Variants in DMD observed in about 807,000 individuals in gnomAD.
DMD encodes the protein dystrophin, also known as mutant dystrophin.
A neutral mutation model predicts 330.1 loss-of-function variants in DMD; 63 were observed. The ratio of observed to expected loss-of-function variants is 0.19; its 90% CI spans 0.16 to 0.24. DMD has a LOEUF of 0.24. Ranked by LOEUF, DMD falls within the 10% of genes least tolerant of loss-of-function variation. The pLI is 1.00. For synonymous variants in DMD, 1,223 were observed against 959.8 expected (o/e 1.27, Z -5.07); for missense variants, 3,344 against 2,684.1 (o/e 1.25, Z -5.43).
chrX:32,539,684 C>A (rs1267690891), intron 17 of DMD, among the ~76,000 whole-genome samples: 3 of 111,827 alleles, frequency 2.7e-5, no homozygotes, highest in Non-Finnish European at 5.6e-5. Context: ...GCAGAGCGGT[C>A]TTATCTGTTA....
chrX:33,197,229 A>G (rs1016865693), intron 1 of DMD, among the ~76,000 whole-genome samples: 8 of 111,763 alleles, frequency 7.2e-5, no homozygotes, highest in African/African-American at 2.0e-4. Flanking sequence ...CTAATGCTGT[A>G]TTTTTCAAAT....
chrX:32,124,863 G>A (rs908072011), intron 44 of DMD, among the ~76,000 whole-genome samples: 1 of 109,668 alleles, frequency 9.1e-6, no homozygotes, highest in African/African-American at 3.3e-5. Flanking sequence ...GCAGGAAAAC[G>A]TGAGTGTGTG....
intron 2 of DMD, among the ~76,000 whole-genome samples, chrX:33,009,142 G>A (rs2093499842): frequency 2.1e-5 from 1 of 46,686 alleles, no homozygotes; most frequent in East Asian, 1.0e-3. Context: ...GTATATATAT[G>A]TGTATATATA....
chrX:31,147,453 G>A lies in DMD; in HGVS notation c.10619C>T (p.Pro3540Leu), dbSNP rs747236323. ...GGTGGGCATCATTTCAGGAGGGGACGGCAGTGGGGACAGGCCTTTATGTTC... is the reference window on the plus strand; with the variant it reads ...GGTGGGCATCATTTCAGGAGGGGACAGCAGTGGGGACAGGCCTTTATGTTC... ...QHEHKGLSPL[P>L]SPPEMMPTSP... The change falls in exon 75 of 79, where the codon CCG becomes CTG. Residue 3540 changes from proline to leucine, a missense_variant. Coordinates refer to ENST00000357033, the MANE Select transcript of DMD (RefSeq NM_004006.3). 3.8e-5 allele frequency: 46 copies of A among 1,201,749 alleles called. 1 individual carries two copies. In the East Asian group the frequency reaches 8.6e-4, roughly 23 times the overall value.
At chrX:31,165,472 G>A (rs753129116) in intron 74 of DMD, among the ~76,000 whole-genome samples, 2 of 111,665 alleles carry the variant, frequency 1.8e-5, no homozygotes, top group Non-Finnish European at 3.8e-5. Flanking sequence ...TCTGCAGGTA[G>A]TAGAACGACA....
chrX:31,134,266 AT>A, intron 76 of DMD, 72 bp from the exon 77 acceptor site: 1 of 816,793 alleles, frequency 1.2e-6, no homozygotes, highest in East Asian at 3.3e-5. Flanking sequence ...CCATGATTAC[AT>A]TTTTAACACC....
chrX:31,459,501 T>C (rs1214647970), intron 59 of DMD, among the ~76,000 whole-genome samples: 2 of 112,320 alleles, frequency 1.8e-5, no homozygotes, highest in Non-Finnish European at 3.7e-5. Context: ...GTTAAGATCA[T>C]GATGATAGAA....
At chrX:31,413,601 T>A (rs1037706588) in intron 60 of DMD, among the ~76,000 whole-genome samples, 3 of 112,117 alleles carry the variant, frequency 2.7e-5, no homozygotes, top group African/African-American at 9.7e-5. Context: ...GCACTATTTA[T>A]GGAGGGTTGT....
chrX:31,928,205 G>A (rs953951555), intron 47 of DMD, among the ~76,000 whole-genome samples: 2 of 111,785 alleles, frequency 1.8e-5, no homozygotes, highest in African/African-American at 3.3e-5. Flanking sequence ...ATCTAGAATA[G>A]CCAAATTCAT....
intron 7 of DMD, among the ~76,000 whole-genome samples, chrX:32,779,834 G>A (rs1482080488): frequency 9.1e-6 from 1 of 109,347 alleles, no homozygotes; most frequent in Non-Finnish European, 1.9e-5. Context: ...AAACCTGCAC[G>A]TTATGCACAT....
intron 1 of DMD, among the ~76,000 whole-genome samples, chrX:33,053,604 AAAAG>A (rs1356996168): frequency 1.8e-5 from 2 of 110,869 alleles, no homozygotes; most frequent in African/African-American, 6.6e-5. Flanking sequence ...TCAAAAAAAG[AAAAG>A]AAAGAAAGAA....
At chrX:31,343,728 C>T (rs933279533) in intron 61 of DMD, among the ~76,000 whole-genome samples, 1 of 108,655 alleles carries the variant, frequency 9.2e-6, no homozygotes, top group African/African-American at 3.4e-5. Flanking sequence ...ATTAGTAGTT[C>T]CTCCTTATTT....
intron 53 of DMD, among the ~76,000 whole-genome samples, chrX:31,673,269 C>T (rs2081910500): frequency 1.8e-5 from 2 of 112,038 alleles, no homozygotes; most frequent in African/African-American, 6.5e-5. Context: ...TATTGAGAGT[C>T]AGCATTTCAA....
At chrX:31,185,774 GTTT>G (rs58100460) in intron 67 of DMD, among the ~76,000 whole-genome samples, 5,903 of 100,068 alleles carry the variant, frequency 0.059, 164 homozygotes, top group East Asian at 0.17. Context: ...TATGTTTTTT[GTTT>G]TTTTTTTTTA....
intron 1 of DMD, among the ~76,000 whole-genome samples, chrX:33,166,922 A>G (rs1335978068): frequency 9.0e-6 from 1 of 110,981 alleles, no homozygotes; most frequent in Non-Finnish European, 1.9e-5. Flanking sequence ...ATATTAACAC[A>G]TTTAAAAGTG....
intron 7 of DMD, among the ~76,000 whole-genome samples, chrX:32,764,325 A>C (rs2072700075): frequency 9.0e-6 from 1 of 111,519 alleles, no homozygotes; most frequent in Non-Finnish European, 1.9e-5. Flanking sequence ...AAAACATATA[A>C]TTCTAATCAT....
At chrX:32,816,780 C>A in intron 5 of DMD, 140 bp from the exon 6 acceptor site, 1 of 570,831 alleles carries the variant, frequency 1.8e-6, no homozygotes, top group South Asian at 2.8e-5. Context: ...TAGATTCTAC[C>A]AGAAGTTAAG....
intron 52 of DMD, among the ~76,000 whole-genome samples, chrX:31,714,355 T>G (rs1396853691): frequency 8.9e-6 from 1 of 112,048 alleles, no homozygotes; most frequent in African/African-American, 3.2e-5. Context: ...ATTAGCACAG[T>G]GCACTGATAT....
chrX:33,224,779 G>A (rs1231689025), intron 1 of DMD, among the ~76,000 whole-genome samples: 1 of 111,261 alleles, frequency 9.0e-6, no homozygotes, highest in East Asian at 2.8e-4. Flanking sequence ...CCACTCTGGT[G>A]AGAGTTATTA....
Sources: allele counts gnomAD v4.1 joint callset (sites outside exome capture counted in the v4.1 genomes callset), GRCh38; gene constraint gnomAD v4.1.1; transcripts MANE v1.5; gene names NCBI Gene and HGNC (gene_info 2026-07-23, HGNC 2026-07-21).